DNM3: variants seen among roughly 807,000 people sequenced by gnomAD.
DNM3 encodes the protein dynamin 3, also known as dynamin-3.
A neutral mutation model predicts 101.6 loss-of-function variants in DNM3; 47 were observed. The ratio of observed to expected loss-of-function variants is 0.46; its 90% confidence interval spans 0.37 to 0.59. The LOEUF is 0.59. Ranked by LOEUF, DNM3 falls within the 20% of genes least tolerant of loss-of-function variation. DNM3 has a pLI of 0.00. For synonymous variants in DNM3, 385 were observed against 387.9 expected (o/e 0.99, Z 0.09); for missense variants, 849 against 1,085.7 (o/e 0.78, Z 3.06).
chr1:171,987,582 A>T, intron 2 of DNM3, 74 bp from the exon 3 acceptor site: 1 of 1,416,690 alleles, frequency 7.1e-7, no homozygotes, highest in Non-Finnish European at 9.4e-7. Context: ...TTTGACTTAT[A>T]ATTAAAGAAA....
chr1:171,862,954 T>C (rs774392683), intron 1 of DNM3, among the ~76,000 whole-genome samples: 35 of 151,664 alleles, frequency 2.3e-4, no homozygotes, highest in Non-Finnish European at 3.7e-4. Context: ...ACTGGAGTGG[T>C]TGAGAAAATG....
chr1:172,040,079 G>A (rs1026485427), intron 7 of DNM3, among the ~76,000 whole-genome samples: 1 of 152,138 alleles, frequency 6.6e-6, no homozygotes, highest in Non-Finnish European at 1.5e-5. Context: ...GTGGAAGGAG[G>A]AGGGCAAGAG....
At chr1:172,131,421 T>A in intron 14 of DNM3, 133 bp downstream of exon 14, 2 of 699,150 alleles carry the variant, frequency 2.9e-6, no homozygotes, top group Non-Finnish European at 4.6e-6. Flanking sequence ...AATGTTTGTT[T>A]AAAAAGGCAC....
At chr1:171,875,363 T>G (rs192646577) in intron 1 of DNM3, among the ~76,000 whole-genome samples, 359 of 152,364 alleles carry the variant, frequency 2.4e-3, no homozygotes, top group Non-Finnish European at 3.7e-3. Flanking sequence ...ATTATTACTT[T>G]GTCTGAATTG....
chr1:172,060,170 C>T (rs200488652), intron 10 of DNM3, among the ~76,000 whole-genome samples: 27 of 132,274 alleles, frequency 2.0e-4, no homozygotes, highest in Admixed American at 3.1e-4. Context: ...AGGAGAACTA[C>T]AAACCACTGC....
intron 2 of DNM3, chr1:171,970,391 C>T (rs944013852): frequency 6.5e-6 from 1 of 153,696 alleles, no homozygotes; most frequent in African/African-American, 2.4e-5. Flanking sequence ...AGAGAAGTTA[C>T]AGGTTAGCCA....
chr1:172,173,243 T>C (rs930510060), intron 14 of DNM3, among the ~76,000 whole-genome samples: 1 of 151,564 alleles, frequency 6.6e-6, no homozygotes, highest in Non-Finnish European at 1.5e-5. Context: ...AGTAATAGAA[T>C]TGATGAGCAG....
At chr1:172,280,927 G>T (rs768530222) in intron 15 of DNM3, among the ~76,000 whole-genome samples, 1 of 152,160 alleles carries the variant, frequency 6.6e-6, no homozygotes, top group Non-Finnish European at 1.5e-5. Flanking sequence ...CTAGATAAAA[G>T]TGGCATTCCA....
At chr1:172,302,814 A>G (rs1288831106) in intron 15 of DNM3, among the ~76,000 whole-genome samples, 1 of 152,182 alleles carries the variant, frequency 6.6e-6, no homozygotes, top group Non-Finnish European at 1.5e-5. Context: ...AAACTGACAA[A>G]CAGAAAGGAA....
In DNM3 at chr1:171,849,834, G is replaced by C. The variant is rs576731342; in HGVS notation, c.161+8017G>C. On this transcript the variant is annotated intron_variant, in intron 1 of 20. Coordinates refer to ENST00000627582, the MANE Select transcript of DNM3 (RefSeq NM_015569.5). ...ATAAAAAAGATTAAGCTGGAAAAAA[G>C]TTGGGTGACATACTGGGGTCACATG... Among the ~76,000 whole-genome samples, 5 of 152,220 alleles carry C rather than the reference G, an allele frequency of 3.3e-5. No homozygotes were observed. In the East Asian group the frequency reaches 9.6e-4, roughly 29 times the overall value.
intron 2 of DNM3, among the ~76,000 whole-genome samples, chr1:171,954,349 T>C (rs1002603520): frequency 2.0e-5 from 3 of 152,190 alleles, no homozygotes; most frequent in South Asian, 2.1e-4. Context: ...CCTTTGTGGT[T>C]ATAATAAGCT....
intron 8 of DNM3, among the ~76,000 whole-genome samples, chr1:172,043,175 G>A (rs1296151101): frequency 6.6e-6 from 1 of 152,140 alleles, no homozygotes; most frequent in Non-Finnish European, 1.5e-5. Flanking sequence ...TGGAGATAAA[G>A]TTGCTAGGGC....
At chr1:171,952,683 T>C (rs530884778) in intron 2 of DNM3, among the ~76,000 whole-genome samples, 44 of 152,284 alleles carry the variant, frequency 2.9e-4, no homozygotes, top group African/African-American at 1.0e-3. Flanking sequence ...TAACACAAAA[T>C]TTAGTACATG....
chr1:172,181,106 C>T (rs1386523185), intron 14 of DNM3, among the ~76,000 whole-genome samples: 1 of 152,016 alleles, frequency 6.6e-6, no homozygotes, highest in Non-Finnish European at 1.5e-5. Flanking sequence ...CTTCTAGTTT[C>T]ACTTTTCATA....
intron 1 of DNM3, among the ~76,000 whole-genome samples, chr1:171,868,373 A>G (rs990142124): frequency 1.3e-5 from 2 of 152,162 alleles, no homozygotes; most frequent in African/African-American, 2.4e-5. Flanking sequence ...TGGTCTGCTC[A>G]GGCCAAGAGG....
At chr1:172,228,111 C>T (rs969891139) in intron 14 of DNM3, among the ~76,000 whole-genome samples, 7 of 151,814 alleles carry the variant, frequency 4.6e-5, no homozygotes, top group Non-Finnish European at 8.8e-5. Context: ...CTCAATTTAT[C>T]ATCTGTTTTT....
chr1:172,300,896 C>A (rs1222254614), intron 15 of DNM3, among the ~76,000 whole-genome samples: 1 of 152,142 alleles, frequency 6.6e-6, no homozygotes, highest in East Asian at 1.9e-4. Context: ...TGAATTACAC[C>A]ACTAAAATGG....
At chr1:172,199,355 C>T (rs988087664) in intron 14 of DNM3, among the ~76,000 whole-genome samples, 2 of 151,598 alleles carry the variant, frequency 1.3e-5, no homozygotes, top group Non-Finnish European at 2.9e-5. Flanking sequence ...GAGTACATGC[C>T]CTGTAGCAAG....
intron 11 of DNM3, among the ~76,000 whole-genome samples, chr1:172,078,008 G>C (rs986971837): frequency 3.3e-5 from 5 of 152,022 alleles, no homozygotes; most frequent in African/African-American, 4.8e-5. Context: ...TATATATTTA[G>C]GATAGTTAGC....
Sources: gnomAD v4.1 joint callset for allele counts (sites outside exome capture counted in the v4.1 genomes callset) on GRCh38, gnomAD v4.1.1 for gene constraint, MANE v1.5 for transcripts, NCBI Gene and HGNC (gene_info 2026-07-23, HGNC 2026-07-21) for gene names.